Variants in MCF2L observed in about 807,000 individuals in gnomAD.
MCF2L encodes the protein guanine nucleotide exchange factor DBS.
Under a neutral mutation model 153.4 loss-of-function variants are expected in MCF2L, and 97 were observed. The observed-to-expected ratio is 0.63, with a 90% CI of 0.54 to 0.75. The LOEUF is 0.75. MCF2L is among the 30% of genes least tolerant of loss of function. The pLI is 0.00. For synonymous variants in MCF2L, 659 were observed against 632.2 expected, an observed-to-expected ratio of 1.04 and a Z score of -0.64; for missense variants, 1,347 against 1,495.2, an observed-to-expected ratio of 0.90 and a Z score of 1.64.
rs529361918 is a variant in MCF2L at position 112,919,091 on chromosome 13, A to G, written c.169+16720A>G. Reference sequence around the variant, plus strand: ...TTCTCTTTCCTTGTGCCTAGCAACAATTTCATTAATTCAAATTCATTTACA... The same window carrying G: ...TTCTCTTTCCTTGTGCCTAGCAACAGTTTCATTAATTCAAATTCATTTACA... On this transcript the variant is annotated intron_variant, in intron 2 of 29. Coordinates refer to the MCF2L transcript ENST00000375608. Among the ~76,000 whole-genome samples, 6 of 152,262 alleles carry G rather than the reference A, an allele frequency of 3.9e-5. No homozygotes were observed. The East Asian group carries it at 1.2e-3, about 29-fold the overall frequency.
intron 26 of MCF2L, among the ~76,000 whole-genome samples, chr13:113,092,593 G>T (rs1174219368): frequency 3.9e-5 from 6 of 152,254 alleles, no homozygotes; most frequent in African/African-American, 1.4e-4. Context: ...CCTGCAGGTG[G>T]TGACTCCAAT....
At chr13:112,899,574 C>G (rs2081101116) in intron 1 of MCF2L, among the ~76,000 whole-genome samples, 1 of 152,208 alleles carries the variant, frequency 6.6e-6, no homozygotes, top group African/African-American at 2.4e-5. Flanking sequence ...TGTCCTTCAC[C>G]ACGTGAGAGC....
intron 2 of MCF2L, among the ~76,000 whole-genome samples, chr13:113,018,893 G>A (rs942251244): frequency 3.9e-5 from 6 of 152,178 alleles, no homozygotes; most frequent in Non-Finnish European, 8.8e-5. Context: ...TTGCTTTTAC[G>A]GGAATGTGGC....
rs952688172 is a variant in MCF2L, at chr13:113,066,082, G to A, written c.793G>A (p.Val265Ile). 24 of 1,613,244 alleles carry A rather than the reference G, an allele frequency of 1.5e-5. No individual in the cohort carries two copies. In the Admixed American group the frequency reaches 2.5e-4, roughly 17 times the overall value. The change falls in exon 8 of 30, where the codon GTC becomes ATC. Residue 265 changes from valine (V) to isoleucine (I), a missense_variant. This residue lies in a region of MCF2L where 820 missense variants were observed against 921.2 expected (regional missense o/e 0.89). Transcript: ENST00000535094. Reference protein sequence around the residue: ...LRLALKEGHSVLESLRELQAE... With the variant: ...LRLALKEGHSILESLRELQAE... ...GCTGGCACTGAAAGAGGGGCACAGT[G>A]TCCTGGAGAGCCTCAGGGAGCTGCA...
At chr13:112,895,261 G>C (rs1178634761) in intron 1 of MCF2L, among the ~76,000 whole-genome samples, 2 of 152,154 alleles carry the variant, frequency 1.3e-5, no homozygotes, top group South Asian at 2.1e-4. Flanking sequence ...CCGCCCAGGG[G>C]CGTGGCCCGC....
rs531107977 is a variant in MCF2L, at chr13:113,047,087, A to G, written c.369+1726A>G. 4.2e-4 allele frequency: 67 copies of G among 158,422 alleles called. 1 individual carries two copies. The Middle Eastern group carries it at 9.4e-3, about 22-fold the overall frequency. 9.8% of individuals were successfully genotyped at this position (158,422 alleles called of 1,614,324 possible). A position where few individuals can be genotyped will look rare whatever the true frequency, so the allele number is the denominator to read the frequency against. On this transcript the variant is annotated intron_variant, in intron 4 of 29. Coordinates refer to ENST00000535094, the MANE Select transcript of MCF2L (RefSeq NM_001112732.3). ...CATGGTGAGAGAGGGAGCGAGAGAG[A>G]AGGGGGAGGTCCCAGACTTTTGAAC...
chr13:112,917,070 G>A (rs1047895548), intron 2 of MCF2L: 7 of 471,088 alleles, frequency 1.5e-5, no homozygotes, highest in East Asian at 6.9e-5. Context: ...AGGTGCTGTC[G>A]TTTCTCCTGT....
At chr13:112,911,324 T>A (rs567630505) in intron 2 of MCF2L, among the ~76,000 whole-genome samples, 95 of 152,322 alleles carry the variant, frequency 6.2e-4, no homozygotes, top group African/African-American at 2.2e-3. Context: ...TCTACACACG[T>A]AGCCTTGGGT....
chr13:113,051,464 G>A (rs1447439193), intron 4 of MCF2L, among the ~76,000 whole-genome samples: 5 of 152,172 alleles, frequency 3.3e-5, no homozygotes, highest in Admixed American at 2.0e-4. Flanking sequence ...CCGAGGGTTC[G>A]CTCCTCCCAC....
At chr13:113,007,859 G>A (rs576663383) in intron 1 of MCF2L, among the ~76,000 whole-genome samples, 28 of 151,934 alleles carry the variant, frequency 1.8e-4, no homozygotes, top group Non-Finnish European at 3.1e-4. Context: ...ACCAAGAGCC[G>A]TCACGTGACA....
Position 112,911,626 on chromosome 13 carries a change from G to A in MCF2L, c.169+9255G>A, listed in dbSNP as rs563891821. 2.6e-5 allele frequency among the ~76,000 whole-genome samples: 4 copies of A among 152,368 alleles called. No individual in the cohort carries two copies. The South Asian group carries it at 8.3e-4, about 32-fold the overall frequency. On this transcript the variant is annotated intron_variant, in intron 2 of 29. Coordinates refer to the MCF2L transcript ENST00000375608. ...CACCCGGGCTGCAGGCGTCCTCTCA[G>A]GTGTCTCAGCCGTGGGCCCGGCACC...
chr13:113,096,281 C>T, intron 27 of MCF2L, 90 bp from the exon 28 acceptor site: 2 of 1,022,256 alleles, frequency 2.0e-6, no homozygotes, highest in Non-Finnish European at 3.0e-6. Flanking sequence ...CGGGGCAGGG[C>T]GCTAAGGCCC....
At position 113,053,736 on chromosome 13, in the gene MCF2L, C is replaced by G. The variant is rs2087531761; in HGVS notation, c.370-6857C>G. On this transcript the variant is annotated intron_variant, in intron 4 of 29. Coordinates refer to ENST00000535094, the MANE Select transcript of MCF2L (RefSeq NM_001112732.3). This position sits in a 1 kb window ranked among gnomAD's most constrained non-coding sequence, Gnocchi z 4.4. ...AGGTGCCTGGCGTCTGCATCCACACCTGCCTGGAGCCTCCTTCCATTTGTT... is the reference window on the plus strand; with the variant it reads ...AGGTGCCTGGCGTCTGCATCCACACGTGCCTGGAGCCTCCTTCCATTTGTT... Among the ~76,000 whole-genome samples the G allele has an allele frequency of 2.6e-5, 4 of 152,138 alleles. No individual in the cohort carries two copies. In the South Asian group the frequency reaches 8.3e-4, roughly 31 times the overall value.
intron 2 of MCF2L, among the ~76,000 whole-genome samples, chr13:112,937,884 T>TGGTTCAGGTGAGTG (rs2081533077): frequency 2.6e-4 from 2 of 7,574 alleles, no homozygotes; most frequent in African/African-American, 9.7e-4. Flanking sequence ...TCAGGTGAGT[T>TGGTTCAGGTGAGTG]CTGATGTGCT....
Position 113,098,682 on chromosome 13 carries a change from C to G in MCF2L, c.*1823C>G, listed in dbSNP as rs1397700681. ...CCGGCAGTGGGCAGGGCCCAGCGTG[C>G]GGCTCAGGCACCGAGCAACCGCTTT... On this transcript the variant is annotated 3_prime_UTR_variant, in exon 30 of 30. Coordinates refer to ENST00000535094, the MANE Select transcript of MCF2L (RefSeq NM_001112732.3). The G allele has an allele frequency of 5.3e-5, 8 of 152,244 alleles. No homozygotes were observed. The highest frequency in any genetic ancestry group is 1.7e-4 in the African/African-American group (7 of 41,458). 9.4% of individuals were successfully genotyped at this position (152,244 alleles called of 1,614,324 possible).
chr13:112,919,319 C>A (rs1260273971), intron 2 of MCF2L, among the ~76,000 whole-genome samples: 1 of 148,910 alleles, frequency 6.7e-6, no homozygotes, highest in Non-Finnish European at 1.5e-5. Context: ...CATTCTCCTG[C>A]CTCAGCCTCC....
chr13:113,005,833 C>T (rs962223540), intron 1 of MCF2L, among the ~76,000 whole-genome samples: 6 of 152,182 alleles, frequency 3.9e-5, no homozygotes, highest in African/African-American at 9.7e-5. Context: ...CAAAACAGCA[C>T]GTGTGCGCCT....
At position 113,084,876 on chromosome 13, in the gene MCF2L, C is replaced by G; in HGVS notation, c.2062-16C>G. On this transcript the variant is annotated splice_polypyrimidine_tract_variant and intron_variant, in intron 18 of 29. Transcript: ENST00000535094. ...CATCCCTCACTGCGTGATGCGGTGC[C>G]TGTCCCTCGGTGCAGATGGAAGATT... 1 of 1,600,284 alleles carries G rather than the reference C, an allele frequency of 6.2e-7. No homozygotes were observed.
chr13:113,094,474 C>T (rs778619126), intron 26 of MCF2L, 40 bp from the exon 27 acceptor site: 35 of 1,580,442 alleles, frequency 2.2e-5, no homozygotes, highest in Non-Finnish European at 2.8e-5. Context: ...GACAGCGGCT[C>T]ATCACCGGGG....
Sources: allele counts gnomAD v4.1 joint callset (sites outside exome capture counted in the v4.1 genomes callset), GRCh38; gene constraint gnomAD v4.1.1; regional missense constraint gnomAD v4.1.1; non-coding constraint Gnocchi (gnomAD v3.1); transcripts MANE v1.5; gene names NCBI Gene and HGNC (gene_info 2026-07-23, HGNC 2026-07-21).